The following PLB1 variants were observed in gnomAD, a reference collection of about 807,000 sequenced individuals.
PLB1 encodes the protein phospholipase B1, also known as phospholipase B1, membrane-associated.
Under a neutral mutation model 227.4 loss-of-function variants are expected in PLB1, and 242 were observed. The observed-to-expected ratio is 1.06, with a 90% CI of 0.96 to 1.18. PLB1 has a LOEUF of 1.18. Ranked by LOEUF, PLB1 falls within the 50% of genes most tolerant of loss-of-function variation. PLB1 has a pLI of 0.00. For synonymous variants in PLB1, 757 were observed against 682.2 expected, an observed-to-expected ratio of 1.11 and a Z score of -1.71; for missense variants, 1,858 against 1,816.3, an observed-to-expected ratio of 1.02 and a Z score of -0.42.
At chr2:28,556,345 A>G (rs1330694992) in intron 17 of PLB1, among the ~76,000 whole-genome samples, 1 of 152,174 alleles carries the variant, frequency 6.6e-6, no homozygotes, top group Non-Finnish European at 1.5e-5. Flanking sequence ...AGAGCTCGTG[A>G]GTGATGTGCT....
At position 28,603,993 on chromosome 2, in the gene PLB1, G is replaced by C. The variant is rs369900630; in HGVS notation, c.2802G>C (p.Leu934=). ...TTTTGTGTAACTGCGTTCTGACCCT[G>C]CGGGAGAACTCCCAAGAGCTAGCCA... ...ASVLCNCVLT[L]RENSQELARL... The change falls in exon 40 of 58, where the codon CTG becomes CTC. Residue 934 remains leucine (L), a synonymous_variant. Transcript: ENST00000327757. 1.9e-5 allele frequency: 30 copies of C among 1,614,104 alleles called. No homozygotes were observed. The African/African-American group carries it at 3.3e-4, about 18-fold the overall frequency.
chr2:28,534,142 T>C (rs188045087), intron 9 of PLB1, among the ~76,000 whole-genome samples: 21 of 152,342 alleles, frequency 1.4e-4, no homozygotes, highest in African/African-American at 4.1e-4. Flanking sequence ...GATCTAGTCA[T>C]GTTGACATAT....
intron 33 of PLB1, chr2:28,594,535 T>G (rs1192911268): frequency 1.3e-5 from 2 of 157,184 alleles, no homozygotes; most frequent in Admixed American, 6.2e-5. Context: ...TCCCTTTTCT[T>G]CTGAGTCAGT....
chr2:28,530,549 CACAT>C (rs535296565), intron 8 of PLB1, among the ~76,000 whole-genome samples: 140 of 152,326 alleles, frequency 9.2e-4, no homozygotes, highest in African/African-American at 3.2e-3. Context: ...AGGCCTCTGT[CACAT>C]ACATGCTGGG....
chr2:28,589,754 C>T lies in PLB1; in HGVS notation c.2000C>T (p.Ala667Val), dbSNP rs146694508. ...AAGTCTCACTCCCGAGCAGCCAGTG[C>T]TCTCTGGAACAATATGGTAAGTGGC... ...SSKSHSRAAS[A>V]LWNNMLEPVG... The change falls in exon 28 of 58, where the codon GCT becomes GTT. Residue 667 changes from alanine (A) to valine (V), a missense_variant. Ala to Val is a moderately conservative substitution (Grantham distance 64, BLOSUM62 0). Coordinates refer to ENST00000327757, the MANE Select transcript of PLB1 (RefSeq NM_153021.5). 1.1e-5 allele frequency: 18 copies of T among 1,613,582 alleles called. No individual in the cohort carries two copies. The African/African-American group carries it at 2.3e-4, about 20-fold the overall frequency.
chr2:28,515,416 T>A (rs113643037), intron 1 of PLB1, among the ~76,000 whole-genome samples: 86 of 152,310 alleles, frequency 5.6e-4, no homozygotes, highest in African/African-American at 1.9e-3. Context: ...TCCAGCACTT[T>A]GTGCTTGTCC....
At chr2:28,512,789 T>C (rs1668436777) in intron 1 of PLB1, among the ~76,000 whole-genome samples, 1 of 152,126 alleles carries the variant, frequency 6.6e-6, no homozygotes, top group African/African-American at 2.4e-5. Flanking sequence ...CTCAAACACC[T>C]TGAGACCATA....
intron 43 of PLB1, 39 bp from the exon 44 acceptor site, chr2:28,613,992 C>T (rs781477718): frequency 6.5e-7 from 1 of 1,540,118 alleles, no homozygotes; most frequent in Non-Finnish European, 9.0e-7. Context: ...AACTTCAGTG[C>T]TGTCAGATAA....
intron 6 of PLB1, among the ~76,000 whole-genome samples, chr2:28,526,906 G>T (rs2148188427): frequency 6.6e-6 from 1 of 152,288 alleles, no homozygotes; most frequent in South Asian, 2.1e-4. Flanking sequence ...GTTGAGCCTG[G>T]CAGTTCAGCC....
rs149302160 is a variant in PLB1 at position 28,601,288 on chromosome 2, G to A, written c.2563G>A (p.Val855Met). ...CCATGAAGACTGGAAGGTCATCACA[G>A]TGCTGATCGGAGGCAGCGATTTATG... ...NFHEDWKVIT[V>M]LIGGSDLCDY... The change falls in exon 37 of 58, where the codon GTG becomes ATG. Residue 855 changes from valine (V) to methionine (M), a missense_variant. Physicochemically the swap from Val to Met is conservative, Grantham distance 21 (BLOSUM62 1). Transcript: ENST00000327757. 14 of 1,613,992 alleles carry A rather than the reference G, an allele frequency of 8.7e-6. No individual in the cohort carries two copies. Among genetic ancestry groups the A allele is most frequent in the African/African-American group, 2.7e-5 (2 of 74,898 alleles).
At chr2:28,615,951 C>T (rs866943529) in intron 44 of PLB1, among the ~76,000 whole-genome samples, 4 of 152,160 alleles carry the variant, frequency 2.6e-5, no homozygotes, top group East Asian at 1.9e-4. Flanking sequence ...GAGGACATTA[C>T]GTTAAGTGAA....
At chr2:28,554,489 CTTTTTTTTTTTT>C (rs536476788) in intron 17 of PLB1, among the ~76,000 whole-genome samples, 859 of 85,496 alleles carry the variant, frequency 0.01, 24 homozygotes, top group African/African-American at 0.037. Flanking sequence ...CCACACCTGC[CTTTTTTTTTTTT>C]TTTTTTTTTT....
intron 30 of PLB1, among the ~76,000 whole-genome samples, 184 bp from the exon 31 acceptor site, chr2:28,591,516 A>T (rs1485000628): frequency 2.0e-5 from 3 of 152,130 alleles, no homozygotes; most frequent in Non-Finnish European, 4.4e-5. Flanking sequence ...CGATGAGTGG[A>T]CCTCGATCTG....
intron 43 of PLB1, among the ~76,000 whole-genome samples, chr2:28,612,866 C>G (rs373549979): frequency 5.3e-5 from 8 of 151,340 alleles, no homozygotes; most frequent in Admixed American, 3.9e-4. Context: ...ATGAACCCCC[C>G]CTTGGCCTCC....
rs781301035 is a variant in PLB1 at position 28,532,906 on chromosome 2, T to C, written c.555+712T>C. ...TGAATATCTATGACTTAAGTCTTTA[T>C]TGAAGATCATTCAGATTAGGATCAG... On this transcript the variant is annotated intron_variant, in intron 9 of 57. Transcript: ENST00000327757. 1.1e-4 allele frequency among the ~76,000 whole-genome samples: 17 copies of C among 152,206 alleles called. 1 individual carries two copies. Among genetic ancestry groups the C allele is most frequent in the Non-Finnish European group, 1.8e-4 (12 of 68,026 alleles).
intron 53 of PLB1, among the ~76,000 whole-genome samples, chr2:28,629,527 C>T (rs899485733): frequency 6.6e-6 from 1 of 152,232 alleles, no homozygotes; most frequent in Non-Finnish European, 1.5e-5. Context: ...AAGGCTGCTA[C>T]ATCCAGCCTT....
intron 7 of PLB1, 98 bp from the exon 8 acceptor site, chr2:28,529,630 T>C: frequency 7.7e-7 from 1 of 1,297,534 alleles, no homozygotes; most frequent in South Asian, 1.3e-5. Context: ...TGGATAAAGC[T>C]TAGAGACTGA....
At chr2:28,601,840 C>T (rs897588780) in intron 37 of PLB1, 59 bp from the exon 38 acceptor site, 3 of 1,401,732 alleles carry the variant, frequency 2.1e-6, no homozygotes, top group East Asian at 2.3e-5. Context: ...TTGAGAACTG[C>T]CCCACTGCCC....
intron 14 of PLB1, among the ~76,000 whole-genome samples, chr2:28,544,655 C>T (rs1355548590): frequency 3.3e-5 from 5 of 152,026 alleles, no homozygotes; most frequent in East Asian, 1.9e-4. Flanking sequence ...TGCTGGGCCA[C>T]GCACCAAGAA....
Sources: gnomAD v4.1 joint callset for allele counts (sites outside exome capture counted in the v4.1 genomes callset) on GRCh38, gnomAD v4.1.1 for gene constraint, MANE v1.5 for transcripts, NCBI Gene and HGNC (gene_info 2026-07-23, HGNC 2026-07-21) for gene names.